The following PRKAR1B variants were observed in gnomAD, a reference collection of about 807,000 sequenced individuals.
PRKAR1B encodes the protein cAMP-dependent protein kinase type I-beta regulatory subunit.
PRKAR1B carries 22 observed loss-of-function variants against 46.5 expected under a neutral mutation model. That is an observed-to-expected ratio of 0.47 (90% CI 0.34 to 0.68). The LOEUF (loss-of-function observed/expected upper bound fraction) is 0.68, where lower values mean the gene tolerates loss of function less well. PRKAR1B is among the 30% of genes least tolerant of loss of function. PRKAR1B has a pLI of 0.01. For synonymous variants in PRKAR1B, 259 were observed against 217.7 expected (o/e 1.19, Z -1.67); for missense variants, 445 against 535.6 (o/e 0.83, Z 1.67).
rs149291819 is a variant in PRKAR1B, at chr7:550,559, G to A, written c.1017C>T (p.Val339=). 362 of 1,600,144 alleles carry A rather than the reference G, an allele frequency of 2.3e-4. 1 individual carries two copies. The African/African-American group carries it at 4.2e-3, about 19-fold the overall frequency. ...CACACTTGAGGGGCCCCCGGGCCAC[G>A]ACAGTGGCCGCCCGGGGCCGGTTCA... The part of the protein sequence containing the change: ...LLLNRPRAAT[V]VARGPLKCVK... Residue 339 remains valine (V), a synonymous_variant, in exon 11 of 11, where the codon GTC becomes GTT. Coordinates refer to ENST00000537384, the MANE Select transcript of PRKAR1B (RefSeq NM_001164760.2).
At chr7:650,453 G>A (rs576744175) in intron 4 of PRKAR1B, among the ~76,000 whole-genome samples, 1 of 151,988 alleles carries the variant, frequency 6.6e-6, no homozygotes, top group Admixed American at 6.6e-5. Context: ...CTTCACACCG[G>A]CTGCACCTCC....
At chr7:623,243 C>G (rs1337959237) in intron 4 of PRKAR1B, among the ~76,000 whole-genome samples, 2 of 152,224 alleles carry the variant, frequency 1.3e-5, no homozygotes, top group Non-Finnish European at 2.9e-5. Context: ...AGAGCTCCTG[C>G]TCCCGGCTGG....
chr7:701,274 AAGAAAGAAAG>A (rs768574795), intron 2 of PRKAR1B, among the ~76,000 whole-genome samples: 5 of 150,902 alleles, frequency 3.3e-5, no homozygotes, highest in Non-Finnish European at 7.4e-5. Flanking sequence ...GGAAAAAAGA[AAGAAAGAAAG>A]AGAAAGAAAG....
intron 1 of PRKAR1B, among the ~76,000 whole-genome samples, chr7:719,283 A>G (rs1019987130): frequency 2.0e-5 from 3 of 151,594 alleles, no homozygotes; most frequent in South Asian, 4.2e-4. Context: ...CAAGTGATCC[A>G]CCCGCCTTAG....
intron 9 of PRKAR1B, 76 bp from the exon 10 acceptor site, chr7:551,546 CAG>C: frequency 3.5e-6 from 5 of 1,417,006 alleles, no homozygotes; most frequent in Non-Finnish European, 3.9e-6. Flanking sequence ...GGTCACCCCA[CAG>C]GGGGTCACCA....
At chr7:688,969 A>G (rs1381398064) in intron 2 of PRKAR1B, among the ~76,000 whole-genome samples, 1 of 152,246 alleles carries the variant, frequency 6.6e-6, no homozygotes, top group African/African-American at 2.4e-5. Context: ...ATCAAAAATC[A>G]AGAGAAGCAA....
chr7:595,035 C>T (rs1005282390), intron 7 of PRKAR1B, among the ~76,000 whole-genome samples: 1 of 152,210 alleles, frequency 6.6e-6, no homozygotes, highest in African/African-American at 2.4e-5. Flanking sequence ...CTGGTCACAG[C>T]TGCCCTCAAG....
At chr7:552,436 CACCCA>C (rs1290129908) in intron 9 of PRKAR1B, among the ~76,000 whole-genome samples, 8 of 136,012 alleles carry the variant, frequency 5.9e-5, no homozygotes, top group South Asian at 2.4e-4. Context: ...CCCCACCTCC[CACCCA>C]GGTCCTTCCC....
chr7:606,202 C>T lies in PRKAR1B; in HGVS notation c.540G>A (p.Gly180=). 1 of 1,614,006 alleles carries T rather than the reference C, an allele frequency of 6.2e-7. No individual in the cohort carries two copies. Among genetic ancestry groups the T allele is most frequent in the South Asian group, 1.1e-5 (1 of 91,042 alleles). ...EGDNFYVVDQ[G]EVDVYVNGEW... ...AGTTAGCGACACTCACATCCACTTC[C>T]CCTTGATCAACGACATAGAAGTTGT... The change falls in exon 6 of 11, where the codon GGG becomes GGA. Residue 180 remains glycine (G), a synonymous_variant. Coordinates refer to ENST00000537384, the MANE Select transcript of PRKAR1B (RefSeq NM_001164760.2).
intron 4 of PRKAR1B, among the ~76,000 whole-genome samples, chr7:614,553 C>G (rs921294451): frequency 3.3e-5 from 5 of 151,992 alleles, no homozygotes; most frequent in Non-Finnish European, 7.4e-5. Flanking sequence ...GATCGCTGGG[C>G]CCAGGAGTTT....
Position 616,260 on chromosome 7 carries a change from C to T in PRKAR1B, c.441-8808G>A, listed in dbSNP as rs953689220. ...TCTCACTGACAAAACGAGGTCACTCCGGACAGACTCGCAGGGCCTGGAGAG... is the reference window on the plus strand; with the variant it reads ...TCTCACTGACAAAACGAGGTCACTCTGGACAGACTCGCAGGGCCTGGAGAG... On this transcript the variant is annotated intron_variant, in intron 4 of 10. Coordinates refer to ENST00000537384, the MANE Select transcript of PRKAR1B (RefSeq NM_001164760.2). Among the ~76,000 whole-genome samples the T allele has an allele frequency of 1.2e-4, 18 of 152,230 alleles. 1 individual carries two copies. Among genetic ancestry groups the T allele is most frequent in the Admixed American group, 7.9e-4 (12 of 15,286 alleles).
Position 569,551 on chromosome 7 carries a change from C to T in PRKAR1B, c.891+9705G>A, listed in dbSNP as rs374881302. On this transcript the variant is annotated intron_variant, in intron 9 of 10. Transcript: ENST00000537384. ...GGGAGCTTTGCCTACAAAGGGGGGC[C>T]AGGGGGCATGCAGCCCCTCCCCTGC... is the stretch of plus-strand genomic sequence containing the variant. Among the ~76,000 whole-genome samples, 21 of 152,320 alleles carry T rather than the reference C, an allele frequency of 1.4e-4. No individual in the cohort carries two copies. The East Asian group carries it at 2.7e-3, about 20-fold the overall frequency.
At chr7:621,823 GGGAGGACTCAGT>G (rs1384029651) in intron 4 of PRKAR1B, among the ~76,000 whole-genome samples, 2 of 152,216 alleles carry the variant, frequency 1.3e-5, no homozygotes, top group African/African-American at 4.8e-5. Context: ...TAAAGCAGCA[GGGAGGACTCAGT>G]GATCATGAGG....
At position 633,849 on chromosome 7, in the gene PRKAR1B, G is replaced by A. The variant is rs375153214; in HGVS notation, c.441-26397C>T. ...GTAAGGAGGCTGTGTGTAATCACGG[G>A]AAACAGGCAGACCCAAGACCTTGTA... On this transcript the variant is annotated intron_variant, in intron 4 of 10. Coordinates refer to ENST00000537384, the MANE Select transcript of PRKAR1B (RefSeq NM_001164760.2). Among the ~76,000 whole-genome samples, 10 of 152,208 alleles carry A rather than the reference G, an allele frequency of 6.6e-5. No individual in the cohort carries two copies. The East Asian group carries it at 9.7e-4, about 15-fold the overall frequency.
At chr7:637,281 T>A (rs1025376054) in intron 4 of PRKAR1B, among the ~76,000 whole-genome samples, 1 of 151,994 alleles carries the variant, frequency 6.6e-6, no homozygotes, top group Non-Finnish European at 1.5e-5. Flanking sequence ...TAGCTGGGCA[T>A]GGTGGCGCAC....
chr7:671,177 G>A (rs530596251), intron 4 of PRKAR1B, among the ~76,000 whole-genome samples: 31 of 144,048 alleles, frequency 2.2e-4, no homozygotes, highest in African/African-American at 3.7e-4. Context: ...CCGCTTCTCC[G>A]TCCCTCCGTT....
At chr7:711,589 A>ACGCAGG (rs1202503236) in intron 1 of PRKAR1B, 62 bp from the exon 2 acceptor site, 1 of 1,446,742 alleles carries the variant, frequency 6.9e-7, no homozygotes, top group Non-Finnish European at 9.5e-7. Flanking sequence ...CGCCGGATAA[A>ACGCAGG]CGCAGGCGGC....
intron 6 of PRKAR1B, among the ~76,000 whole-genome samples, chr7:605,773 G>A (rs955988784): frequency 9.2e-5 from 14 of 152,166 alleles, no homozygotes; most frequent in Admixed American, 3.3e-4. Flanking sequence ...TCGTGAAGTC[G>A]TCGGTCCTAG....
At chr7:583,434 CCA>C (rs1780339353) in intron 8 of PRKAR1B, among the ~76,000 whole-genome samples, 2 of 145,228 alleles carry the variant, frequency 1.4e-5, no homozygotes, top group South Asian at 2.2e-4. Flanking sequence ...ACGCACACAC[CCA>C]CAGTGCACAC....
Sources: gnomAD v4.1 joint callset for allele counts (sites outside exome capture counted in the v4.1 genomes callset) on GRCh38, gnomAD v4.1.1 for gene constraint, MANE v1.5 for transcripts, NCBI Gene and HGNC (gene_info 2026-07-23, HGNC 2026-07-21) for gene names.